Variants in CNTNAP2 observed in about 807,000 individuals in gnomAD.
The protein encoded by CNTNAP2 is contactin associated protein 2.
Under a neutral mutation model 155.2 loss-of-function variants are expected in CNTNAP2, and 98 were observed. The ratio of observed to expected loss-of-function variants is 0.63; its 90% CI spans 0.54 to 0.75. The LOEUF is 0.75. Ranked by LOEUF, CNTNAP2 falls within the 30% of genes least tolerant of loss-of-function variation. CNTNAP2 has a pLI of 0.00. For missense variants in CNTNAP2, 1,727 were observed against 1,688.1 expected (o/e 1.02, Z -0.40); for synonymous variants, 651 against 631.2 (o/e 1.03, Z -0.47).
chr7:146,486,854 G>A (rs764428373), intron 1 of CNTNAP2, among the ~76,000 whole-genome samples: 4 of 152,156 alleles, frequency 2.6e-5, no homozygotes, highest in Non-Finnish European at 5.9e-5. Context: ...GGCTCCCTAA[G>A]TATTACTCTT....
chr7:147,138,100 AC>A (rs1801524334), intron 8 of CNTNAP2, among the ~76,000 whole-genome samples: 1 of 151,924 alleles, frequency 6.6e-6, no homozygotes, highest in Admixed American at 6.6e-5. Flanking sequence ...AGATTTTTGT[AC>A]CTTTTGATGG....
intron 8 of CNTNAP2, among the ~76,000 whole-genome samples, chr7:147,206,223 C>T (rs1803020259): frequency 6.7e-6 from 1 of 149,302 alleles, no homozygotes; most frequent in Non-Finnish European, 1.5e-5. Context: ...CATAAAGCAA[C>T]TTTAAAGAAG....
chr7:146,983,506 T>G (rs890332335), intron 3 of CNTNAP2, among the ~76,000 whole-genome samples: 1 of 152,208 alleles, frequency 6.6e-6, no homozygotes, highest in African/African-American at 2.4e-5. Flanking sequence ...TGCTTCAGGA[T>G]GCCTCCCTTG....
intron 1 of CNTNAP2, among the ~76,000 whole-genome samples, chr7:146,329,927 TTTTA>T (rs1029038087): frequency 2.5e-4 from 38 of 152,120 alleles, no homozygotes; most frequent in African/African-American, 8.9e-4. Flanking sequence ...TAATTTAGTT[TTTTA>T]TTTTTCTCCA....
chr7:146,726,070 G>C (rs1801426430), intron 1 of CNTNAP2, among the ~76,000 whole-genome samples: 1 of 152,168 alleles, frequency 6.6e-6, no homozygotes, highest in Non-Finnish European at 1.5e-5. Flanking sequence ...ATAAGGACCA[G>C]TGGCTATACT....
intron 9 of CNTNAP2, among the ~76,000 whole-genome samples, chr7:147,394,522 T>A (rs1796776963): frequency 6.6e-6 from 1 of 152,006 alleles, no homozygotes; most frequent in Admixed American, 6.6e-5. Flanking sequence ...ATTAGTACAG[T>A]TTAAATTTGC....
intron 13 of CNTNAP2, among the ~76,000 whole-genome samples, chr7:147,788,711 T>G (rs1316641242): frequency 6.6e-6 from 1 of 151,954 alleles, no homozygotes; most frequent in Non-Finnish European, 1.5e-5. Context: ...CTCATCAGCA[T>G]CTCGATACTG....
chr7:148,048,369 T>C (rs1329207281), intron 15 of CNTNAP2, among the ~76,000 whole-genome samples: 2 of 152,178 alleles, frequency 1.3e-5, no homozygotes, highest in Non-Finnish European at 2.9e-5. Flanking sequence ...AAATGTTCAA[T>C]TTAAAAATGA....
chr7:148,194,708 G>A (rs1454368699), intron 18 of CNTNAP2, among the ~76,000 whole-genome samples: 4 of 152,084 alleles, frequency 2.6e-5, no homozygotes, highest in African/African-American at 7.2e-5. Flanking sequence ...AGGAAGTGGG[G>A]TGGGCGGAGT....
At chr7:147,831,214 T>C (rs1798540135) in intron 13 of CNTNAP2, among the ~76,000 whole-genome samples, 1 of 152,182 alleles carries the variant, frequency 6.6e-6, no homozygotes, top group East Asian at 1.9e-4. Flanking sequence ...ATTAAAACAG[T>C]AGCATTATGA....
chr7:146,713,064 C>T (rs1307685123), intron 1 of CNTNAP2, among the ~76,000 whole-genome samples: 2 of 151,804 alleles, frequency 1.3e-5, no homozygotes, highest in East Asian at 3.9e-4. Context: ...ATTTGGTTTT[C>T]AAAACTAAAA....
chr7:148,337,680 G>T (rs180825221), intron 21 of CNTNAP2, among the ~76,000 whole-genome samples: 30 of 152,320 alleles, frequency 2.0e-4, no homozygotes, highest in Non-Finnish European at 4.0e-4. Context: ...CCACTGTGGA[G>T]AGTGAAAAAG....
chr7:148,188,658 C>T (rs1795158864), intron 18 of CNTNAP2, among the ~76,000 whole-genome samples: 1 of 152,156 alleles, frequency 6.6e-6, no homozygotes, highest in East Asian at 1.9e-4. Context: ...GGTTTCACTA[C>T]TAAATAATCT....
At chr7:146,442,455 C>T (rs1026640016) in intron 1 of CNTNAP2, among the ~76,000 whole-genome samples, 9 of 151,646 alleles carry the variant, frequency 5.9e-5, no homozygotes, top group South Asian at 2.1e-4. Context: ...TGTGTGCGTG[C>T]GCATGTGTGT....
chr7:146,201,663 TG>T (rs1269262491), intron 1 of CNTNAP2, among the ~76,000 whole-genome samples: 1 of 151,946 alleles, frequency 6.6e-6, no homozygotes, highest in African/African-American at 2.4e-5. Flanking sequence ...TGTGTGTGTG[TG>T]TGTGTGTGTG....
chr7:147,637,317 C>T (rs764830401), intron 12 of CNTNAP2, among the ~76,000 whole-genome samples: 8 of 151,892 alleles, frequency 5.3e-5, no homozygotes, highest in Non-Finnish European at 7.4e-5. Flanking sequence ...TGGCAGGAGG[C>T]GTGTTCAAAT....
chr7:147,040,325 G>A (rs944562600), intron 3 of CNTNAP2, among the ~76,000 whole-genome samples: 4 of 152,060 alleles, frequency 2.6e-5, no homozygotes, highest in Admixed American at 1.3e-4. Flanking sequence ...GAATAAATAC[G>A]TAAGTAAATG....
intron 3 of CNTNAP2, among the ~76,000 whole-genome samples, chr7:146,888,772 T>A (rs1394512619): frequency 6.6e-6 from 1 of 152,104 alleles, no homozygotes; most frequent in East Asian, 1.9e-4. Context: ...CTATATGATG[T>A]TACCTACATG....
intron 1 of CNTNAP2, among the ~76,000 whole-genome samples, chr7:146,226,107 T>C (rs943074197): frequency 3.3e-5 from 5 of 152,198 alleles, no homozygotes; most frequent in African/African-American, 1.2e-4. Context: ...AATATCTAGA[T>C]GGTTTCACTG....
Sources: allele counts gnomAD v4.1 joint callset (sites outside exome capture counted in the v4.1 genomes callset), GRCh38; gene constraint gnomAD v4.1.1; transcripts MANE v1.5; gene names NCBI Gene and HGNC (gene_info 2026-07-23, HGNC 2026-07-21).